Variants in TRIM10 observed in about 807,000 individuals in gnomAD.
TRIM10 encodes tripartite motif-containing protein 10.
Under a neutral mutation model 40.0 loss-of-function variants are expected in TRIM10, and 42 were observed. The ratio of observed to expected loss-of-function variants is 1.05; its 90% CI spans 0.82 to 1.36. TRIM10 has a LOEUF of 1.36. Among genes scored for constraint, TRIM10 ranks in the 40% most tolerant of loss-of-function variants. The pLI is 0.00. For synonymous variants in TRIM10, 260 were observed against 239.5 expected (o/e 1.09, Z -0.79); for missense variants, 601 against 608.3 (o/e 0.99, Z 0.13).
chr6:30,156,983 G>A lies in TRIM10; in HGVS notation c.851C>T (p.Pro284Leu). ...CCTCTGCAGCGGGAGGGCCTGCTGG[G>A]GAAAGTCCCGAATCCTCTGGCCCAG... ...PELGQRIRDF[P>L]QQALPLQREM... The change falls in exon 5 of 7, where the codon CCC (proline) becomes CTC (leucine). Residue 284 changes from proline to leucine, a missense_variant. Coordinates refer to ENST00000449742, the MANE Select transcript of TRIM10 (RefSeq NM_006778.4). The A allele has an allele frequency of 1.2e-6, 2 of 1,613,060 alleles. No individual in the cohort carries two copies. The highest frequency in any genetic ancestry group is 2.7e-5 in the African/African-American group (2 of 75,058).
rs781525167 is a variant in TRIM10, at chr6:30,153,792, T to C, written c.*177A>G. On this transcript the variant is annotated 3_prime_UTR_variant, in exon 7 of 7. Transcript: ENST00000449742. ...ATCCACTGGGCATTGGGGAAAGGACTTGATCAGTAGATTGAGAGTCCTCTC... is the reference window on the plus strand; with the variant it reads ...ATCCACTGGGCATTGGGGAAAGGACCTGATCAGTAGATTGAGAGTCCTCTC... The C allele has an allele frequency of 7.7e-5, 124 of 1,612,952 alleles. 1 individual carries two copies. The highest frequency in any genetic ancestry group is 9.4e-5 in the Non-Finnish European group (111 of 1,180,046).
rs748972009 is a variant in TRIM10 at position 30,154,130 on chromosome 6, G to A, written c.1285C>T (p.Arg429Trp). ...TAGTCAAGAGACACCCTCACCTGCCGGGGCTGCTCCTTCAGGGTCAGCCGT... is the reference window on the plus strand; with the variant it reads ...TAGTCAAGAGACACCCTCACCTGCCAGGGCTGCTCCTTCAGGGTCAGCCGT... ...PTRLTLKEQP[R>W]QVRVSLDYEV... Residue 429 changes from arginine (R) to tryptophan (W), a missense_variant, in exon 7 of 7, where the codon CGG (arginine) becomes TGG (tryptophan). Transcript: ENST00000449742. 16 of 1,612,840 alleles carry A rather than the reference G, an allele frequency of 9.9e-6. No homozygotes were observed. The highest frequency in any genetic ancestry group is 9.9e-5 in the South Asian group (9 of 91,076).
upstream of TRIM10, among the ~76,000 whole-genome samples, chr6:30,161,797 C>T (rs571131678): frequency 1.3e-4 from 20 of 152,100 alleles, no homozygotes; most frequent in Non-Finnish European, 2.6e-4. Context: ...GCAAAGTGAG[C>T]CACATATGCA....
chr6:30,158,777 T>G, intron 2 of TRIM10, 148 bp from the exon 3 acceptor site: 1 of 720,400 alleles, frequency 1.4e-6, no homozygotes, highest in Non-Finnish European at 2.4e-6. Context: ...AGACTCACAG[T>G]GTTGTCTCAG....
chr6:30,157,343 GAA>G, intron 4 of TRIM10, 24 bp downstream of exon 4: 1 of 1,583,060 alleles, frequency 6.3e-7, no homozygotes, highest in African/African-American at 1.4e-5. Context: ...TATGGAAAAA[GAA>G]AAGAGAGAAA....
At chr6:30,163,601 C>T (rs1051641186), upstream of TRIM10, 4 of 1,483,158 alleles carry the variant, frequency 2.7e-6, no homozygotes, top group Non-Finnish European at 3.6e-6. Flanking sequence ...CTCTGCGATT[C>T]ATGTAAGTGT....
At chr6:30,163,785 C>A, upstream of TRIM10, 1 of 1,613,042 alleles carries the variant, frequency 6.2e-7, no homozygotes, top group Non-Finnish European at 8.5e-7. Flanking sequence ...TGTGGACACA[C>A]CTTCTGCCGG....
Position 30,153,695 on chromosome 6 carries a change from G to C in TRIM10, c.*274C>G. The C allele has an allele frequency of 1.2e-6, 2 of 1,612,168 alleles. No homozygotes were observed. Among genetic ancestry groups the C allele is most frequent in the Non-Finnish European group, 1.7e-6 (2 of 1,179,636 alleles). On this transcript the variant is annotated 3_prime_UTR_variant, in exon 7 of 7. Coordinates refer to ENST00000449742, the MANE Select transcript of TRIM10 (RefSeq NM_006778.4). ...TCAAATCCAGTGCCCTTTCTATGCA[G>C]CTACTTCTGTGCCAAGCACGGATGG...
At chr6:30,159,379 C>A (rs1241231342) in intron 1 of TRIM10, 134 bp from the exon 2 acceptor site, 3 of 630,494 alleles carry the variant, frequency 4.8e-6, no homozygotes, top group Non-Finnish European at 8.4e-6. Flanking sequence ...AATCCCCGAG[C>A]CTTCACCACC....
chr6:30,154,533 C>A (rs1177057666), intron 6 of TRIM10, 47 bp from the exon 7 acceptor site: 41 of 1,594,224 alleles, frequency 2.6e-5, no homozygotes, highest in Non-Finnish European at 3.4e-5. Context: ...CATGCTATTA[C>A]CTCCAAGGAA....
At position 30,160,833 on chromosome 6, in the gene TRIM10, C is replaced by T. The variant is rs764426255; in HGVS notation, c.26G>A (p.Ser9Asn). 8.1e-6 allele frequency: 13 copies of T among 1,612,234 alleles called. No homozygotes were observed. The African/African-American group carries it at 1.2e-4, about 15-fold the overall frequency. ...GGGGCAGTTGACTTCATCTGCCAGG[C>T]TGGTCACAGAGGCAGCAGAGGCCAT... MASAASVT[S>N]LADEVNCPIC... Residue 9 changes from serine to asparagine, a missense_variant, in exon 1 of 7, where the codon AGC becomes AAC. Ser to Asn is a conservative substitution (Grantham distance 46). Coordinates refer to ENST00000449742, the MANE Select transcript of TRIM10 (RefSeq NM_006778.4).
upstream of TRIM10, among the ~76,000 whole-genome samples, chr6:30,162,248 C>T (rs1236132094): frequency 1.3e-5 from 2 of 149,352 alleles, no homozygotes; most frequent in Admixed American, 6.7e-5. Context: ...TGCACTCCAT[C>T]CCGGGAGACA....
At position 30,154,900 on chromosome 6, in the gene TRIM10, C is replaced by T. The variant is rs552161987; in HGVS notation, c.929-414G>A. The stretch of plus-strand genomic sequence containing the variant: ...TCCCACAGTGCAGCGACATTTCTCC[C>T]TTCAGTCCAAACTTCATGATTCCTC... On this transcript the variant is annotated intron_variant, in intron 6 of 6. Coordinates refer to ENST00000449742, the MANE Select transcript of TRIM10 (RefSeq NM_006778.4). Among the ~76,000 whole-genome samples the T allele has an allele frequency of 1.6e-3, 238 of 152,276 alleles. 8 individuals are homozygous for T. In the South Asian group the frequency reaches 0.045, roughly 29 times the overall value.
chr6:30,159,041 AT>A, intron 2 of TRIM10, 108 bp downstream of exon 2: 3 of 722,308 alleles, frequency 4.2e-6, no homozygotes, highest in Non-Finnish European at 7.2e-6. Context: ...CAGAGTCAGG[AT>A]TTAAACTCAT....
In TRIM10 at chr6:30,153,594, G is replaced by T; in HGVS notation, c.*375C>A. ...TAACATTATTGGAAGAAAACAAGAT[G>T]AAAAGAGGTGAGATGCCTTGTTTAA... On this transcript the variant is annotated 3_prime_UTR_variant, in exon 7 of 7. Coordinates refer to ENST00000449742, the MANE Select transcript of TRIM10 (RefSeq NM_006778.4). 9.8e-7 allele frequency: 1 copy of T among 1,025,140 alleles called. No individual in the cohort carries two copies. Among genetic ancestry groups the T allele is most frequent in the African/African-American group, 1.6e-5 (1 of 62,762 alleles). The allele number at this position is 1,025,140 out of a possible 1,614,324, so 63.5% of individuals were successfully genotyped here.
intron 5 of TRIM10, 63 bp downstream of exon 5, chr6:30,156,876 G>T: frequency 7.0e-7 from 1 of 1,423,382 alleles, no homozygotes; most frequent in East Asian, 2.3e-5. Context: ...GGAGCGTGGA[G>T]GCCACTCCTA....
chr6:30,158,449 T>C lies in TRIM10; in HGVS notation c.706A>G (p.Ile236Val). ...AGEICRFSALIEELEEKNERP... is the reference protein window; with the variant it reads ...AGEICRFSALVEELEEKNERP... ...TCATTCTTCTCCTCCAGTTCTTCAATAAGAGCACTAAACCGGCAGATCTCC... is the reference window on the plus strand; with the variant it reads ...TCATTCTTCTCCTCCAGTTCTTCAACAAGAGCACTAAACCGGCAGATCTCC... The change falls in exon 3 of 7, where the codon ATT becomes GTT. Residue 236 changes from isoleucine (I) to valine (V), a missense_variant. By Grantham distance (29) the Ile-to-Val change is conservative. Transcript: ENST00000449742. 6.2e-7 allele frequency: 1 copy of C among 1,613,044 alleles called. No individual in the cohort carries two copies. The highest frequency in any genetic ancestry group is 8.5e-7 in the Non-Finnish European group (1 of 1,180,028).
chr6:30,157,510 G>A (rs975044029), intron 3 of TRIM10, 119 bp from the exon 4 acceptor site: 5 of 1,113,220 alleles, frequency 4.5e-6, no homozygotes, highest in Non-Finnish European at 5.1e-6. Context: ...GTTTGAGAAA[G>A]GGTCTCACTC....
Position 30,157,696 on chromosome 6 carries a change from T to C in TRIM10, c.757-305A>G, listed in dbSNP as rs371689863. Among the ~76,000 whole-genome samples, 20 of 145,894 alleles carry C rather than the reference T, an allele frequency of 1.4e-4. No homozygotes were observed. The East Asian group carries it at 3.6e-3, about 26-fold the overall frequency. On this transcript the variant is annotated intron_variant, in intron 3 of 6. Coordinates refer to ENST00000449742, the MANE Select transcript of TRIM10 (RefSeq NM_006778.4). ...TTTTTTTTTTGTAGAGATGGGGTTT[T>C]GTTATGTTGCCCAGGCTCCTCCCAC...
Sources: allele counts gnomAD v4.1 joint callset (sites outside exome capture counted in the v4.1 genomes callset), GRCh38; gene constraint gnomAD v4.1.1; transcripts MANE v1.5; gene names NCBI Gene and HGNC (gene_info 2026-07-23, HGNC 2026-07-21).